The following SYT17 variants were observed in gnomAD, a reference collection of about 807,000 sequenced individuals.
SYT17 encodes synaptotagmin-17.
In SYT17, 22 loss-of-function variants were observed where a neutral mutation model predicts 46.7. The observed-to-expected ratio is 0.47, with a 90% CI of 0.34 to 0.67. SYT17 has a LOEUF of 0.67. Ranked by LOEUF, SYT17 falls within the 30% of genes least tolerant of loss-of-function variation. The pLI is 0.01. For missense variants in SYT17, 519 were observed against 612.8 expected (o/e 0.85, Z 1.62); for synonymous variants, 251 against 248.4 (o/e 1.01, Z -0.10).
Position 19,194,751 on chromosome 16 carries a change from C to T in SYT17, c.951+10604C>T, listed in dbSNP as rs565125013. ...CTTGGACCACAGGTGTGAATTACCA[C>T]GCCCAGCTAATTTTTAAATTATTTT... On this transcript the variant is annotated intron_variant, in intron 5 of 7. Coordinates refer to ENST00000355377, the MANE Select transcript of SYT17 (RefSeq NM_016524.4). 9.3e-4 allele frequency among the ~76,000 whole-genome samples: 141 copies of T among 152,234 alleles called. 2 individuals carry two copies. The highest frequency in any genetic ancestry group is 9.4e-4 in the Non-Finnish European group (64 of 68,020).
At chr16:19,193,863 C>T (rs908019931) in intron 5 of SYT17, among the ~76,000 whole-genome samples, 1 of 152,176 alleles carries the variant, frequency 6.6e-6, no homozygotes, top group Non-Finnish European at 1.5e-5. Flanking sequence ...CCCTGGGCAC[C>T]TCCAACTTGC....
At chr16:19,209,159 G>A (rs1375480283) in intron 5 of SYT17, among the ~76,000 whole-genome samples, 1 of 151,984 alleles carries the variant, frequency 6.6e-6, no homozygotes, top group African/African-American at 2.4e-5. Context: ...GCGAGCCACT[G>A]CACCCTGCCA....
intron 3 of SYT17, among the ~76,000 whole-genome samples, chr16:19,177,424 A>G (rs1439303328): frequency 1.3e-5 from 2 of 152,200 alleles, no homozygotes; most frequent in Non-Finnish European, 2.9e-5. Context: ...GCAAAACGGT[A>G]AGAGAAATCT....
intron 5 of SYT17, among the ~76,000 whole-genome samples, chr16:19,191,404 T>G (rs1191647710): frequency 1.3e-5 from 2 of 152,178 alleles, no homozygotes; most frequent in Non-Finnish European, 2.9e-5. Flanking sequence ...GCCTTGCCCC[T>G]TCCTCCATGT....
intron 7 of SYT17, among the ~76,000 whole-genome samples, chr16:19,250,359 T>TTGTGTGTGTG (rs55818940): frequency 0.063 from 8,323 of 132,430 alleles, 379 homozygotes; most frequent in South Asian, 0.11. Context: ...TCAAACATGT[T>TTGTGTGTGTG]TGTGTGTGTG....
At chr16:19,182,934 C>T (rs1397000344) in intron 4 of SYT17, among the ~76,000 whole-genome samples, 1 of 152,208 alleles carries the variant, frequency 6.6e-6, no homozygotes, top group East Asian at 1.9e-4. Flanking sequence ...CCGTTATTGA[C>T]TCTATTTTAC....
At chr16:19,259,575 G>A (rs570404691) in intron 7 of SYT17, among the ~76,000 whole-genome samples, 8 of 152,270 alleles carry the variant, frequency 5.3e-5, no homozygotes, top group African/African-American at 1.9e-4. Flanking sequence ...AGATGACTGA[G>A]TTTATTTGAA....
chr16:19,238,251 A>G (rs1189491173), intron 7 of SYT17, among the ~76,000 whole-genome samples: 2 of 152,192 alleles, frequency 1.3e-5, no homozygotes, highest in South Asian at 4.1e-4. Flanking sequence ...TTGTCTGTAG[A>G]TCTCAGTTCC....
intron 7 of SYT17, among the ~76,000 whole-genome samples, chr16:19,253,401 A>AT (rs1215672089): frequency 2.0e-5 from 3 of 151,516 alleles, no homozygotes; most frequent in East Asian, 3.9e-4. Context: ...TAAAAAAAAA[A>AT]TTTTTTAAAA....
At chr16:19,222,896 T>G in intron 5 of SYT17, 149 bp from the exon 6 acceptor site, 2 of 975,886 alleles carry the variant, frequency 2.0e-6, no homozygotes, top group Non-Finnish European at 3.0e-6. Context: ...GAGGCAGAGA[T>G]GAAAAGAAGT....
chr16:19,264,823 G>T (rs1469875734), intron 7 of SYT17, among the ~76,000 whole-genome samples: 1 of 151,946 alleles, frequency 6.6e-6, no homozygotes, highest in Non-Finnish European at 1.5e-5. Context: ...CAGACTCCTG[G>T]GCTCAAGCGA....
At chr16:19,195,283 T>C (rs1965189359) in intron 5 of SYT17, among the ~76,000 whole-genome samples, 1 of 152,226 alleles carries the variant, frequency 6.6e-6, no homozygotes, top group South Asian at 2.1e-4. Flanking sequence ...AACTGGGACT[T>C]GAACCCATGT....
Position 19,183,387 on chromosome 16 carries a change from G to C in SYT17, c.332-141G>C. On this transcript the variant is annotated intron_variant, in intron 4 of 7. Coordinates refer to ENST00000355377, the MANE Select transcript of SYT17 (RefSeq NM_016524.4). This position sits in a 1 kb window ranked among gnomAD's most constrained non-coding sequence, Gnocchi z 5.6. ...CACCAAACTATCTGTCACAGAATCAGTGAGTATTTCAGAGTGTGGAGAAAG... is the reference window on the plus strand; with the variant it reads ...CACCAAACTATCTGTCACAGAATCACTGAGTATTTCAGAGTGTGGAGAAAG... 1 of 1,217,606 alleles carries C rather than the reference G, an allele frequency of 8.2e-7. No individual in the cohort carries two copies. Among genetic ancestry groups the C allele is most frequent in the Admixed American group, 2.3e-5 (1 of 43,942 alleles). The allele number at this position is 1,217,606 out of a possible 1,614,324, so 75.4% of individuals were successfully genotyped here.
intron 4 of SYT17, among the ~76,000 whole-genome samples, chr16:19,182,966 G>T (rs1964617318): frequency 6.6e-6 from 1 of 152,200 alleles, no homozygotes; most frequent in South Asian, 2.1e-4. Context: ...CAGAGTCCCA[G>T]AGAGTCAAAA....
intron 3 of SYT17, among the ~76,000 whole-genome samples, chr16:19,174,661 C>T (rs1397713438): frequency 6.6e-6 from 1 of 152,162 alleles, no homozygotes; most frequent in Non-Finnish European, 1.5e-5. Context: ...AGTTCTGTGA[C>T]CTTGGGCAAG....
intron 5 of SYT17, among the ~76,000 whole-genome samples, chr16:19,212,620 A>G (rs1394787594): frequency 1.3e-5 from 2 of 152,134 alleles, no homozygotes; most frequent in African/African-American, 4.8e-5. Context: ...GATTCCTGTC[A>G]CAATAAATAA....
chr16:19,220,569 G>T (rs960233839), intron 5 of SYT17, among the ~76,000 whole-genome samples: 9 of 151,986 alleles, frequency 5.9e-5, no homozygotes, highest in Non-Finnish European at 1.5e-5. Flanking sequence ...AAAGTGCTGG[G>T]GTTACAGGCA....
Position 19,256,985 on chromosome 16 carries a change from C to T in SYT17, c.1229-9895C>T, listed in dbSNP as rs140845759. 4.3e-4 allele frequency among the ~76,000 whole-genome samples: 66 copies of T among 152,178 alleles called. 2 individuals are homozygous for T. In the East Asian group the frequency reaches 8.1e-3, roughly 19 times the overall value. On this transcript the variant is annotated intron_variant, in intron 7 of 7. Coordinates refer to ENST00000355377, the MANE Select transcript of SYT17 (RefSeq NM_016524.4). The stretch of plus-strand genomic sequence containing the variant: ...TGAGCACTCAACCTCTTAACTTCTC[C>T]GAGCCTCAAATTCCCCATCTGCAAA...
intron 3 of SYT17, chr16:19,180,087 C>T: frequency 6.7e-6 from 2 of 298,310 alleles, no homozygotes; most frequent in Non-Finnish European, 1.3e-5. Flanking sequence ...GCCAAAGTGG[C>T]GCCCCCACGT....
Sources: allele counts gnomAD v4.1 joint callset (sites outside exome capture counted in the v4.1 genomes callset), GRCh38; gene constraint gnomAD v4.1.1; non-coding constraint Gnocchi (gnomAD v3.1); transcripts MANE v1.5; gene names NCBI Gene and HGNC (gene_info 2026-07-23, HGNC 2026-07-21).